ARHGEF3: variants seen among roughly 807,000 people sequenced by gnomAD.
ARHGEF3 encodes the protein Rho guanine nucleotide exchange factor 3.
A neutral mutation model predicts 63.2 loss-of-function variants in ARHGEF3; 28 were observed. The observed-to-expected ratio is 0.44, with a 90% CI of 0.33 to 0.61. The LOEUF is 0.61. ARHGEF3 is among the 20% of genes least tolerant of loss of function. ARHGEF3 has a pLI of 0.03. For missense variants in ARHGEF3, 533 were observed against 659.3 expected, an observed-to-expected ratio of 0.81 and a Z score of 2.10; for synonymous variants, 266 against 254.2, an observed-to-expected ratio of 1.05 and a Z score of -0.44.
At chr3:56,744,984 T>G (rs1012208700) in intron 7 of ARHGEF3, among the ~76,000 whole-genome samples, 1 of 152,184 alleles carries the variant, frequency 6.6e-6, no homozygotes, top group Admixed American at 6.5e-5. Context: ...CCTTACAGCG[T>G]GTTTCATGTA....
intron 2 of ARHGEF3, among the ~76,000 whole-genome samples, chr3:57,025,231 G>A (rs1285299185): frequency 6.6e-6 from 1 of 152,178 alleles, no homozygotes; most frequent in Non-Finnish European, 1.5e-5. Flanking sequence ...AGGAAAAGGG[G>A]TTTCGGAGCA....
rs1205021669 is a variant in ARHGEF3, at chr3:56,977,341, C to G, written c.63-18452G>C. 4 of 456,280 alleles carry G rather than the reference C, an allele frequency of 8.8e-6. No homozygotes were observed. The Admixed American group carries it at 9.4e-5, about 11-fold the overall frequency. 28.3% of individuals were successfully genotyped at this position (456,280 alleles called of 1,614,324 possible). ...CAGAGCAAGCCCCATTCTCTTGGGC[C>G]CCTCACTAACTCTCAGCTCACCAGA... is the stretch of plus-strand genomic sequence containing the variant. On this transcript the variant is annotated intron_variant, in intron 2 of 12. Coordinates refer to the ARHGEF3 transcript ENST00000338458.
chr3:57,007,264 CTT>C, intron 2 of ARHGEF3: 1 of 1,289,800 alleles, frequency 7.8e-7, no homozygotes, highest in South Asian at 1.2e-5. Flanking sequence ...ATAAATCAGA[CTT>C]TCTCAATAGC....
chr3:56,973,160 G>T (rs926835329), intron 2 of ARHGEF3, among the ~76,000 whole-genome samples: 1 of 152,002 alleles, frequency 6.6e-6, no homozygotes, highest in South Asian at 2.1e-4. Flanking sequence ...GGGACTACAG[G>T]CACCCGCCAC....
chr3:56,758,336 T>C (rs1297271391), intron 2 of ARHGEF3, among the ~76,000 whole-genome samples: 1 of 150,670 alleles, frequency 6.6e-6, no homozygotes, highest in East Asian at 2.0e-4. Flanking sequence ...ATGTCTGTAA[T>C]CCCAGTTCTT....
chr3:56,793,935 G>GTATC (rs1237209966), intron 1 of ARHGEF3, among the ~76,000 whole-genome samples: 1 of 152,150 alleles, frequency 6.6e-6, no homozygotes, highest in African/African-American at 2.4e-5. Flanking sequence ...TGTTGACATA[G>GTATC]TATCATACAG....
chr3:56,751,819 T>G (rs1392630236), intron 4 of ARHGEF3, among the ~76,000 whole-genome samples: 2 of 152,130 alleles, frequency 1.3e-5, no homozygotes, highest in African/African-American at 4.8e-5. Flanking sequence ...AAAGAAACAG[T>G]GATTGGTATC....
chr3:56,805,520 C>T (rs764624839), upstream of ARHGEF3, among the ~76,000 whole-genome samples: 1 of 152,208 alleles, frequency 6.6e-6, no homozygotes, highest in Non-Finnish European at 1.5e-5. Context: ...CAAGCATAAG[C>T]CACTGTGCCT....
rs572871411 is a variant in ARHGEF3, at chr3:56,792,057, G to C, written c.96+9646C>G. Among the ~76,000 whole-genome samples the C allele has an allele frequency of 2.1e-5, 3 of 146,322 alleles. No individual in the cohort carries two copies. The South Asian group carries it at 6.5e-4, about 32-fold the overall frequency. On this transcript the variant is annotated intron_variant, in intron 1 of 9. Transcript: ENST00000296315. ...GGAGGCAGAGGTTGCAGTGAGCCAAGATCTTGCTGCTGCACTCCAGACTGG... is the reference window on the plus strand; with the variant it reads ...GGAGGCAGAGGTTGCAGTGAGCCAACATCTTGCTGCTGCACTCCAGACTGG...
intron 1 of ARHGEF3, among the ~76,000 whole-genome samples, chr3:57,047,630 T>C (rs1197880990): frequency 6.6e-6 from 1 of 152,082 alleles, no homozygotes; most frequent in African/African-American, 2.4e-5. Flanking sequence ...TCCTCCTTTA[T>C]AAAAACAAAC....
At chr3:56,992,034 G>C (rs867902863) in intron 2 of ARHGEF3, among the ~76,000 whole-genome samples, 2,386 of 146,198 alleles carry the variant, frequency 0.016, 74 homozygotes, top group African/African-American at 0.057. Flanking sequence ...CTGTGTGTGT[G>C]TGTGTGTGTG....
At chr3:56,854,037 T>C (rs1172174285) in intron 4 of ARHGEF3, among the ~76,000 whole-genome samples, 2 of 151,970 alleles carry the variant, frequency 1.3e-5, no homozygotes, top group Admixed American at 1.3e-4. Context: ...CTACTAAAAA[T>C]AGAAAAATCT....
At chr3:57,024,511 G>A (rs924150327) in intron 2 of ARHGEF3, among the ~76,000 whole-genome samples, 7 of 151,568 alleles carry the variant, frequency 4.6e-5, no homozygotes, top group Non-Finnish European at 8.8e-5. Context: ...TTTTTGAGAC[G>A]GAATCTCGCT....
chr3:56,792,004 G>C (rs1342327877), intron 1 of ARHGEF3, among the ~76,000 whole-genome samples: 1 of 151,704 alleles, frequency 6.6e-6, no homozygotes. Context: ...TACTTGGGAG[G>C]CTGAGGCAGG....
At chr3:56,758,229 T>C (rs1313013670) in intron 2 of ARHGEF3, among the ~76,000 whole-genome samples, 1 of 150,366 alleles carries the variant, frequency 6.7e-6, no homozygotes, top group Non-Finnish European at 1.5e-5. Flanking sequence ...TGTAGTAAGC[T>C]GAGATTGCGC....
chr3:56,756,694 C>T (rs373005848), intron 2 of ARHGEF3, among the ~76,000 whole-genome samples: 15 of 152,004 alleles, frequency 9.9e-5, no homozygotes, highest in South Asian at 2.1e-4. Flanking sequence ...GGCCTACAGG[C>T]GCCCGCCACC....
intron 4 of ARHGEF3, among the ~76,000 whole-genome samples, chr3:56,881,850 A>C (rs1392176159): frequency 6.6e-6 from 1 of 152,190 alleles, no homozygotes; most frequent in Non-Finnish European, 1.5e-5. Flanking sequence ...TCAAACTAAG[A>C]TCTGCTGATC....
rs1578856062 is a variant in ARHGEF3 at position 56,923,543 on chromosome 3, T to G, written c.129+35280A>C. ...GCAGTTTCCCATTTCCCTTCTTCCTTCCAATAGAGAAAAAAAATGAGAGCA... is the reference window on the plus strand; with the variant it reads ...GCAGTTTCCCATTTCCCTTCTTCCTGCCAATAGAGAAAAAAAATGAGAGCA... On this transcript the variant is annotated intron_variant, in intron 3 of 12. Transcript: ENST00000338458. Among the ~76,000 whole-genome samples the G allele has an allele frequency of 3.3e-5, 5 of 152,176 alleles. No individual in the cohort carries two copies. In the South Asian group the frequency reaches 1.0e-3, roughly 32 times the overall value.
At chr3:56,775,859 C>G (rs774297750) in intron 1 of ARHGEF3, 17 of 226,212 alleles carry the variant, frequency 7.5e-5, no homozygotes, top group Non-Finnish European at 1.2e-4. Context: ...CTAAATGGCT[C>G]CTGCTTTGGG....
Sources: allele counts gnomAD v4.1 joint callset (sites outside exome capture counted in the v4.1 genomes callset), GRCh38; gene constraint gnomAD v4.1.1; transcripts MANE v1.5; gene names NCBI Gene and HGNC (gene_info 2026-07-23, HGNC 2026-07-21).